MED16: variants seen among roughly 807,000 people sequenced by gnomAD.
The protein encoded by MED16 is mediator complex subunit 16.
MED16 carries 81 observed loss-of-function variants against 84.4 expected under a neutral mutation model. The observed-to-expected ratio is 0.96, with a 90% confidence interval of 0.80 to 1.15. The LOEUF is 1.15. Ranked by LOEUF, MED16 falls within the 50% of genes most tolerant of loss-of-function variation. The pLI is 0.00. For synonymous variants in MED16, 897 were observed against 552.2 expected (o/e 1.62, Z -8.76); for missense variants, 1,585 against 1,245.9 (o/e 1.27, Z -4.10).
At chr19:885,665 C>G in intron 5 of MED16, 105 bp downstream of exon 5, 1 of 1,347,546 alleles carries the variant, frequency 7.4e-7, no homozygotes, top group Non-Finnish European at 1.0e-6. Flanking sequence ...GCCCACACCA[C>G]GGTTTAGCCC....
intron 10 of MED16, among the ~76,000 whole-genome samples, chr19:875,020 C>T (rs1256813950): frequency 3.9e-5 from 6 of 152,052 alleles, no homozygotes; most frequent in Admixed American, 2.0e-4. Flanking sequence ...AAAAATCAGC[C>T]GGGCGTGGTG....
chr19:875,283 C>T lies in MED16; in HGVS notation c.1732G>A (p.Asp578Asn), dbSNP rs766224197. ...TTGGTGCAGATCTCGGTCAGCCGGT[C>T]GCCGGGGCTCTTGTCAGGCGTGTTG... ...FLNTPDKSPG[D>N]RLTEICTKIT... is the part of the protein sequence containing the mutation. Residue 578 changes from aspartate (D) to asparagine (N), a missense_variant, in exon 10 of 16, where the codon GAC becomes AAC. Asp to Asn is a conservative substitution (Grantham distance 23). Coordinates refer to ENST00000325464, the MANE Select transcript of MED16 (RefSeq NM_005481.3). 1.7e-5 allele frequency: 27 copies of T among 1,544,810 alleles called. No homozygotes were observed. Among genetic ancestry groups the T allele is most frequent in the South Asian group, 8.4e-5 (7 of 83,586 alleles).
intron 6 of MED16, among the ~76,000 whole-genome samples, chr19:884,627 A>G (rs2036487942): frequency 6.6e-6 from 1 of 152,158 alleles, no homozygotes; most frequent in African/African-American, 2.4e-5. Context: ...CTGGCTGAGC[A>G]ACGACACCTC....
chr19:873,598 G>C lies in MED16; in HGVS notation c.1772-16C>G. The C allele has an allele frequency of 6.2e-7, 1 of 1,611,626 alleles. No individual in the cohort carries two copies. The highest frequency in any genetic ancestry group is 8.5e-7 in the Non-Finnish European group (1 of 1,179,524). ...TTGTCAATGTCTACAAGGAGACGTG[G>C]GTCGGGTCAGCTCGGGCCTCTTGTA... On this transcript the variant is annotated splice_polypyrimidine_tract_variant and intron_variant, in intron 10 of 15. Transcript: ENST00000325464.
rs375290182 is a variant in MED16 at position 871,211 on chromosome 19, A to C, written c.2141T>G (p.Val714Gly). 1.9e-6 allele frequency: 3 copies of C among 1,549,204 alleles called. No individual in the cohort carries two copies. The highest frequency in any genetic ancestry group is 3.9e-5 in the Admixed American group (2 of 51,350). ...GCTGGGCAGCAGGCAGCATTCATCC[A>C]CCAGCGCCTCGTCCGGCTCGCTCGC... ...GPASEPDEAL[V>G]DECCLLPSQL... Residue 714 changes from valine to glycine, a missense_variant, in exon 13 of 16, where the codon GTG (valine) becomes GGG (glycine). Coordinates refer to ENST00000325464, the MANE Select transcript of MED16 (RefSeq NM_005481.3).
At chr19:880,385 G>A (rs1444107464) in intron 7 of MED16, among the ~76,000 whole-genome samples, 6 of 152,292 alleles carry the variant, frequency 3.9e-5, no homozygotes, top group South Asian at 2.1e-4. Context: ...GCCCCTCCCC[G>A]CCCCTCCCAG....
rs776488697 is a variant in MED16, at chr19:868,204, G to A, written c.2531C>T (p.Ser844Phe). ...GPDACVTSRA[S>F]EEAPAFVQLG... is the part of the protein sequence containing the mutation. Reference sequence around the variant, plus strand: ...CTGGACAAAGGCAGGGGCTTCCTCAGAAGCTCTGCTGGTCACGCAGGCGTC... The same window carrying A: ...CTGGACAAAGGCAGGGGCTTCCTCAAAAGCTCTGCTGGTCACGCAGGCGTC... The change falls in exon 16 of 16, where the codon TCT (serine) becomes TTT (phenylalanine). Residue 844 changes from serine (S) to phenylalanine (F), a missense_variant. Transcript: ENST00000325464. 8.7e-6 allele frequency: 14 copies of A among 1,605,770 alleles called. No homozygotes were observed. The highest frequency in any genetic ancestry group is 1.2e-5 in the Non-Finnish European group (14 of 1,176,920).
intron 11 of MED16, among the ~76,000 whole-genome samples, chr19:872,587 G>A (rs1389166261): frequency 6.6e-6 from 1 of 151,816 alleles, no homozygotes; most frequent in Admixed American, 6.6e-5. Flanking sequence ...CGGGCCCCAG[G>A]GCAGGATGAA....
At chr19:889,999 G>A in intron 3 of MED16, 138 bp downstream of exon 3, 11 of 840,072 alleles carry the variant, frequency 1.3e-5, no homozygotes, top group Non-Finnish European at 2.0e-5. Context: ...GGCCACTATG[G>A]AAAGAGCAGC....
At chr19:889,924 G>A in intron 3 of MED16, 117 bp from the exon 4 acceptor site, 1 of 1,279,574 alleles carries the variant, frequency 7.8e-7, no homozygotes, top group Non-Finnish European at 1.1e-6. Context: ...CCCAGGTAGG[G>A]CACAGCAGGT....
In MED16 at chr19:876,996, C is replaced by A; in HGVS notation, c.1538G>T (p.Arg513Leu). ...LVEKLHEEYT[R>L]QTAALQQVLS... ...CACCTGCTGCAGGGCAGCGGTCTGGCGCGTGTACTCCTCGTGCAGCTTCTC... is the reference window on the plus strand; with the variant it reads ...CACCTGCTGCAGGGCAGCGGTCTGGAGCGTGTACTCCTCGTGCAGCTTCTC... The change falls in exon 9 of 16, where the codon CGC becomes CTC. Residue 513 changes from arginine (R) to leucine (L), a missense_variant. Arg to Leu is a moderately radical substitution (Grantham distance 102, BLOSUM62 -2). Transcript: ENST00000325464. The A allele has an allele frequency of 1.2e-6, 2 of 1,607,606 alleles. No homozygotes were observed. The highest frequency in any genetic ancestry group is 1.7e-6 in the Non-Finnish European group (2 of 1,178,670).
intron 8 of MED16, among the ~76,000 whole-genome samples, chr19:878,785 G>C (rs113251429): frequency 1.0e-5 from 1 of 98,764 alleles, no homozygotes. Context: ...GGTTGTCAAT[G>C]CCCACCAGCC....
intron 5 of MED16, 22 bp downstream of exon 5, chr19:885,748 G>A (rs200093557): frequency 3.3e-5 from 52 of 1,597,154 alleles, no homozygotes; most frequent in Non-Finnish European, 4.0e-5. Flanking sequence ...GCCAGCCCAC[G>A]TGATGGCCTG....
At chr19:890,932 G>T in intron 2 of MED16, 31 bp downstream of exon 2, 1 of 1,605,086 alleles carries the variant, frequency 6.2e-7, no homozygotes. Flanking sequence ...CCATGCGGCC[G>T]GGAGGGGAAG....
In MED16 at chr19:887,494, C is replaced by T. The variant is rs546722956; in HGVS notation, c.448-1293G>A. Among the ~76,000 whole-genome samples, 19 of 151,970 alleles carry T rather than the reference C, an allele frequency of 1.3e-4. No individual in the cohort carries two copies. The East Asian group carries it at 2.9e-3, about 23-fold the overall frequency. On this transcript the variant is annotated intron_variant, in intron 4 of 15. Transcript: ENST00000325464. ...CATCCTGGCCAAGATAGTGAAACCCCGTCTCTACTAAAAATACAAAAATTA... is the reference window on the plus strand; with the variant it reads ...CATCCTGGCCAAGATAGTGAAACCCTGTCTCTACTAAAAATACAAAAATTA...
rs538792282 is a variant in MED16 at position 884,736 on chromosome 19, C to T, written c.985+167G>A. ...AACACACTCAGAATGCTGGCAGGCGCGCGGTCACACCCGAGATCCTAGCAC... is the reference window on the plus strand; with the variant it reads ...AACACACTCAGAATGCTGGCAGGCGTGCGGTCACACCCGAGATCCTAGCAC... On this transcript the variant is annotated intron_variant, in intron 6 of 15. Transcript: ENST00000325464. 6.4e-4 allele frequency among the ~76,000 whole-genome samples: 97 copies of T among 152,304 alleles called. 1 individual carries two copies. The highest frequency in any genetic ancestry group is 2.2e-3 in the African/African-American group (93 of 41,574).
chr19:870,093 G>A (rs574718927), intron 13 of MED16, among the ~76,000 whole-genome samples: 60 of 145,146 alleles, frequency 4.1e-4, no homozygotes, highest in Admixed American at 8.0e-4. Flanking sequence ...TCTTGCCCCC[G>A]GGAGATCCTC....
intron 12 of MED16, chr19:871,702 C>T (rs765879903): frequency 1.5e-6 from 2 of 1,310,344 alleles, no homozygotes; most frequent in Admixed American, 3.7e-5. Context: ...CCACTGCCAC[C>T]TGCAGGGGCT....
chr19:877,486 C>G lies in MED16; in HGVS notation c.1354-306G>C, dbSNP rs111361713. ...TGAAAGGCGGTCCTCTCAACAGCTC[C>G]TAGTTACGAAGCTCCTAATACGTGC... On this transcript the variant is annotated intron_variant, in intron 8 of 15. Coordinates refer to ENST00000325464, the MANE Select transcript of MED16 (RefSeq NM_005481.3). Among the ~76,000 whole-genome samples the G allele has an allele frequency of 2.2e-3, 337 of 151,062 alleles. 1 individual carries two copies. The highest frequency in any genetic ancestry group is 2.8e-3 in the Non-Finnish European group (188 of 67,970).
Sources: allele counts gnomAD v4.1 joint callset (sites outside exome capture counted in the v4.1 genomes callset), GRCh38; gene constraint gnomAD v4.1.1; transcripts MANE v1.5; gene names NCBI Gene and HGNC (gene_info 2026-07-23, HGNC 2026-07-21).